SEL1L3: variants seen among roughly 807,000 people sequenced by gnomAD.
SEL1L3 encodes the protein protein sel-1 homolog 3.
In SEL1L3, 76 loss-of-function variants were observed where a neutral mutation model predicts 142.8. That is an observed-to-expected ratio of 0.53 (90% CI 0.44 to 0.64). The LOEUF (loss-of-function observed/expected upper bound fraction) is 0.64. Among genes scored for constraint, SEL1L3 ranks in the 30% least tolerant of loss-of-function variants. The pLI is 0.00. For synonymous variants in SEL1L3, 504 were observed against 519.6 expected, an observed-to-expected ratio of 0.97 and a Z score of 0.41; for missense variants, 1,262 against 1,381.7, an observed-to-expected ratio of 0.91 and a Z score of 1.37.
intron 23 of SEL1L3, among the ~76,000 whole-genome samples, chr4:25,753,126 C>T (rs886124041): frequency 1.3e-5 from 2 of 152,238 alleles, no homozygotes; most frequent in African/African-American, 2.4e-5. Flanking sequence ...TAACCACCGT[C>T]CTGCGCGGCT....
intron 9 of SEL1L3, among the ~76,000 whole-genome samples, chr4:25,814,046 G>A (rs7674667): frequency 0.014 from 2,059 of 152,268 alleles, 53 homozygotes; most frequent in African/African-American, 0.046. Context: ...CATATGTAGC[G>A]GCCTGGAAGT....
chr4:25,855,598 A>C (rs574135849), intron 1 of SEL1L3, among the ~76,000 whole-genome samples: 19 of 152,160 alleles, frequency 1.2e-4, no homozygotes, highest in Admixed American at 4.6e-4. Context: ...TCTGCTAAAA[A>C]TACAAAAAAA....
chr4:25,778,999 C>T, intron 16 of SEL1L3, 77 bp downstream of exon 16: 1 of 1,348,830 alleles, frequency 7.4e-7, no homozygotes, highest in Non-Finnish European at 1.0e-6. Context: ...ATAAAGAACT[C>T]AACTTAAAAA....
At chr4:25,761,344 C>T (rs565061773) in intron 20 of SEL1L3, among the ~76,000 whole-genome samples, 1 of 152,090 alleles carries the variant, frequency 6.6e-6, no homozygotes, top group Non-Finnish European at 1.5e-5. Flanking sequence ...TCAGTAGAGA[C>T]GAGGTTTCTC....
intron 13 of SEL1L3, among the ~76,000 whole-genome samples, chr4:25,786,716 C>G (rs1327893599): frequency 2.6e-5 from 4 of 152,206 alleles, no homozygotes; most frequent in Non-Finnish European, 5.9e-5. Flanking sequence ...TGGCATTGGT[C>G]AGCCCTGAAT....
Position 25,790,453 on chromosome 4 carries a change from A to G in SEL1L3, c.2076+2T>C. 1.2e-6 allele frequency: 2 copies of G among 1,613,628 alleles called. No homozygotes were observed. The highest frequency in any genetic ancestry group is 1.7e-6 in the Non-Finnish European group (2 of 1,179,724). ...CCCCAAGACAGTAGCCTGCGTTTTT[A>G]CCTGAGCTGCTGCATTGCCTCGGGT... On this transcript the variant is annotated splice_donor_variant, in intron 12 of 23. Coordinates refer to ENST00000399878, the MANE Select transcript of SEL1L3 (RefSeq NM_015187.5). LOFTEE classifies it high-confidence loss of function.
At position 25,862,612 on chromosome 4, in the gene SEL1L3, C is replaced by G. The variant is rs868329075; in HGVS notation, c.162+63G>C. 3.0e-4 allele frequency: 285 copies of G among 944,104 alleles called. 1 individual carries two copies. In the South Asian group the frequency reaches 3.6e-3, roughly 12 times the overall value. 58.5% of individuals were successfully genotyped at this position (944,104 alleles called of 1,614,324 possible). On this transcript the variant is annotated intron_variant, in intron 1 of 23. Coordinates refer to ENST00000399878, the MANE Select transcript of SEL1L3 (RefSeq NM_015187.5). ...CCCGCGTGGCGGGTGTCCCCGGCCG[C>G]CCCCACCCGCGTCCCCGGGGCCCCG...
chr4:25,768,328 A>C (rs981481398), intron 17 of SEL1L3, among the ~76,000 whole-genome samples: 1 of 152,230 alleles, frequency 6.6e-6, no homozygotes, highest in African/African-American at 2.4e-5. Context: ...TCAATGGCCA[A>C]AACACGTATG....
At chr4:25,732,722 T>C in the SEL1L3 span, among the ~76,000 whole-genome samples, 1 of 152,060 alleles carries the variant, frequency 6.6e-6, no homozygotes, top group Non-Finnish European at 1.5e-5. Context: ...TATTGAGTTT[T>C]AAGTGTTCTT....
rs191629352 is a variant in SEL1L3, at chr4:25,833,608, A to G, written c.861-39T>C. ...GGGGAAAAAAATTCTGCAGATTGAT[A>G]TCATCCAAGAACAGGTAATTATGGT... On this transcript the variant is annotated intron_variant, in intron 3 of 23. Transcript: ENST00000399878. The G allele has an allele frequency of 2.3e-4, 354 of 1,563,528 alleles. 4 individuals carry two copies. The Admixed American group carries it at 4.2e-3, about 19-fold the overall frequency.
intron 9 of SEL1L3, among the ~76,000 whole-genome samples, chr4:25,807,965 T>C (rs938229942): frequency 6.6e-6 from 1 of 152,176 alleles, no homozygotes; most frequent in Non-Finnish European, 1.5e-5. Context: ...AAGAATCAAA[T>C]AATTTTCTGC....
intron 9 of SEL1L3, among the ~76,000 whole-genome samples, chr4:25,812,536 A>G (rs1187377877): frequency 1.3e-5 from 2 of 152,090 alleles, no homozygotes; most frequent in Non-Finnish European, 2.9e-5. Flanking sequence ...CCTGGCCAAC[A>G]TGGCGAAACC....
At chr4:25,819,364 A>G (rs1041654742) in intron 8 of SEL1L3, among the ~76,000 whole-genome samples, 3 of 152,242 alleles carry the variant, frequency 2.0e-5, no homozygotes, top group Admixed American at 6.5e-5. Context: ...GCTCCAAACA[A>G]CAAAGTCACC....
At chr4:25,750,826 C>T (rs1717546538) in intron 23 of SEL1L3, among the ~76,000 whole-genome samples, 2 of 152,212 alleles carry the variant, frequency 1.3e-5, no homozygotes, top group African/African-American at 4.8e-5. Flanking sequence ...TATCACCATA[C>T]TCTTTTTAAA....
chr4:25,782,181 A>G (rs1720046357), intron 15 of SEL1L3, 61 bp downstream of exon 15: 1 of 1,501,426 alleles, frequency 6.7e-7, no homozygotes, highest in East Asian at 2.3e-5. Context: ...GTGTACCTTC[A>G]ACAAATGCTT....
chr4:25,718,858 G>C, the SEL1L3 span: 6 of 152,200 alleles, frequency 3.9e-5, no homozygotes, highest in Non-Finnish European at 7.3e-5. Context: ...ATTGGATCAG[G>C]AGGTTAATAG....
At chr4:25,862,148 T>G (rs371375063) in intron 1 of SEL1L3, 1 of 152,248 alleles carries the variant, frequency 6.6e-6, no homozygotes, top group East Asian at 1.9e-4. Flanking sequence ...GCGCTGGAGA[T>G]GCGAGGTGCG....
Position 25,764,562 on chromosome 4 carries a change from G to A in SEL1L3, c.2955+764C>T, listed in dbSNP as rs147696076. On this transcript the variant is annotated intron_variant, in intron 20 of 23. Transcript: ENST00000399878. ...AAATCACTGAGGGAAAAACTCTGTCGCTTAAGCAAAGCCCAACAGTACAAG... is the reference window on the plus strand; with the variant it reads ...AAATCACTGAGGGAAAAACTCTGTCACTTAAGCAAAGCCCAACAGTACAAG... Among the ~76,000 whole-genome samples, 572 of 152,166 alleles carry A rather than the reference G, an allele frequency of 3.8e-3. 3 individuals carry two copies. Among genetic ancestry groups the A allele is most frequent in the Middle Eastern group, 0.01 (3 of 292 alleles).
chr4:25,799,060 G>A (rs1712993977), intron 11 of SEL1L3, among the ~76,000 whole-genome samples: 1 of 151,998 alleles, frequency 6.6e-6, no homozygotes, highest in Non-Finnish European at 1.5e-5. Context: ...CGTCTGTGTT[G>A]CCTGTGTCCT....
Sources: gnomAD v4.1 joint callset for allele counts (sites outside exome capture counted in the v4.1 genomes callset) on GRCh38, gnomAD v4.1.1 for gene constraint, MANE v1.5 for transcripts, NCBI Gene and HGNC (gene_info 2026-07-23, HGNC 2026-07-21) for gene names.